EVI5: variants seen among roughly 807,000 people sequenced by gnomAD.
EVI5 encodes the protein ecotropic viral integration site 5, also known as ecotropic viral integration site 5 protein homolog.
Under a neutral mutation model 112.0 loss-of-function variants are expected in EVI5, and 73 were observed. The ratio of observed to expected loss-of-function variants is 0.65; its 90% CI spans 0.54 to 0.79. The LOEUF (loss-of-function observed/expected upper bound fraction) is 0.79, where lower values mean the gene tolerates loss of function less well. EVI5 is among the 30% of genes least tolerant of loss of function. EVI5 has a pLI of 0.00. For synonymous variants in EVI5, 305 were observed against 319.9 expected (o/e 0.95, Z 0.50); for missense variants, 900 against 968.8 (o/e 0.93, Z 0.94).
chr1:92,663,315 C>T (rs992220836), intron 12 of EVI5, 105 bp downstream of exon 12: 9 of 498,794 alleles, frequency 1.8e-5, no homozygotes, highest in African/African-American at 1.2e-4. Context: ...TCTAGAAAAA[C>T]GCATGTAAAA....
At position 92,720,978 on chromosome 1, in the gene EVI5, T is replaced by C. The variant is rs183713297; in HGVS notation, c.149+15420A>G. ...AAATCAAAACCACAATGAGATACCA[T>C]ACCATCTCAAGCCAGTTAGAATGGC... is the stretch of plus-strand genomic sequence containing the variant. On this transcript the variant is annotated intron_variant, in intron 2 of 19. Coordinates refer to ENST00000684568, the MANE Select transcript of EVI5 (RefSeq NM_001350197.2). Among the ~76,000 whole-genome samples the C allele has an allele frequency of 2.0e-5, 3 of 152,264 alleles. No homozygotes were observed. In the East Asian group the frequency reaches 5.8e-4, roughly 29 times the overall value.
intron 19 of EVI5, among the ~76,000 whole-genome samples, chr1:92,517,117 C>T (rs745395367): frequency 2.0e-5 from 3 of 152,152 alleles, no homozygotes; most frequent in Non-Finnish European, 2.9e-5. Flanking sequence ...ATCTCTGTAT[C>T]AGTGCGACCC....
At chr1:92,639,262 T>C (rs776764826) in intron 13 of EVI5, among the ~76,000 whole-genome samples, 10 of 152,078 alleles carry the variant, frequency 6.6e-5, no homozygotes, top group Non-Finnish European at 1.3e-4. Context: ...ATTACAAAGG[T>C]AAAGGTAAGT....
intron 19 of EVI5, among the ~76,000 whole-genome samples, chr1:92,538,047 C>A (rs1049076751): frequency 2.6e-5 from 4 of 152,108 alleles, no homozygotes; most frequent in African/African-American, 9.7e-5. Context: ...CTTACAACTG[C>A]ACACTTTTTA....
At chr1:92,539,186 A>G (rs1170157783) in intron 19 of EVI5, among the ~76,000 whole-genome samples, 2 of 152,188 alleles carry the variant, frequency 1.3e-5, no homozygotes, top group Non-Finnish European at 2.9e-5. Context: ...ATCTCCCACA[A>G]GATAATTGAG....
intron 19 of EVI5, among the ~76,000 whole-genome samples, chr1:92,537,040 G>T (rs909714619): frequency 1.3e-5 from 2 of 152,224 alleles, no homozygotes; most frequent in Admixed American, 6.5e-5. Context: ...GCACTGTGCA[G>T]ACAACTACCA....
At chr1:92,561,325 TG>T (rs1668491653) in intron 19 of EVI5, among the ~76,000 whole-genome samples, 1 of 152,168 alleles carries the variant, frequency 6.6e-6, no homozygotes, top group Non-Finnish European at 1.5e-5. Flanking sequence ...TAAATAAAAA[TG>T]CTTTAAAGGT....
At chr1:92,601,396 G>C (rs1649141003) in intron 18 of EVI5, among the ~76,000 whole-genome samples, 3 of 152,184 alleles carry the variant, frequency 2.0e-5, no homozygotes, top group African/African-American at 7.2e-5. Context: ...ATGTTGAAAA[G>C]ATATCTGCAC....
At chr1:92,676,314 A>C (rs2102311010) in intron 10 of EVI5, among the ~76,000 whole-genome samples, 1 of 152,202 alleles carries the variant, frequency 6.6e-6, no homozygotes, top group Non-Finnish European at 1.5e-5. Context: ...CGCCAGATCC[A>C]AGTCAAAAAT....
At chr1:92,676,228 A>C (rs953774704) in intron 10 of EVI5, among the ~76,000 whole-genome samples, 2 of 152,156 alleles carry the variant, frequency 1.3e-5, no homozygotes, top group Non-Finnish European at 2.9e-5. Context: ...AGGAGGACCA[A>C]GGCAGGAAAG....
At chr1:92,663,949 T>C (rs771331773) in intron 11 of EVI5, among the ~76,000 whole-genome samples, 2 of 152,244 alleles carry the variant, frequency 1.3e-5, no homozygotes, top group Non-Finnish European at 2.9e-5. Flanking sequence ...AGTCTTGCTA[T>C]GTTACCCAGG....
Position 92,512,012 on chromosome 1 carries a change from TG to T in EVI5, c.*1643del, listed in dbSNP as rs1659219337. Reference sequence around the variant, plus strand: ...AGGCTTTTTCCATAGGTTAACAAAATGTTTTTTTTTTCATAGGCTAACAAAA... The same window carrying T: ...AGGCTTTTTCCATAGGTTAACAAAATTTTTTTTTTTCATAGGCTAACAAAA... On this transcript the variant is annotated 3_prime_UTR_variant, in exon 20 of 20. Coordinates refer to ENST00000684568, the MANE Select transcript of EVI5 (RefSeq NM_001350197.2). 1 of 152,406 alleles carries T rather than the reference TG, an allele frequency of 6.6e-6. No individual in the cohort carries two copies. The highest frequency in any genetic ancestry group is 1.5e-5 in the Non-Finnish European group (1 of 68,020). 9.4% of individuals were successfully genotyped at this position (152,406 alleles called of 1,614,324 possible).
intron 18 of EVI5, among the ~76,000 whole-genome samples, chr1:92,596,826 GT>G (rs1345277512): frequency 6.6e-6 from 1 of 152,054 alleles, no homozygotes; most frequent in Non-Finnish European, 1.5e-5. Flanking sequence ...AGTATCTGAG[GT>G]TGTTAAAGAC....
At chr1:92,594,769 C>T (rs953010713) in intron 18 of EVI5, among the ~76,000 whole-genome samples, 48 of 147,086 alleles carry the variant, frequency 3.3e-4, no homozygotes, top group African/African-American at 1.0e-3. Context: ...TATGAACAGA[C>T]ACTTCTCAAA....
chr1:92,655,812 T>G (rs1662902758), intron 13 of EVI5, among the ~76,000 whole-genome samples: 1 of 152,066 alleles, frequency 6.6e-6, no homozygotes, highest in Non-Finnish European at 1.5e-5. Flanking sequence ...ATATAGGAGG[T>G]ACCCAGATTC....
At chr1:92,771,156 G>A (rs1683363163) in intron 1 of EVI5, among the ~76,000 whole-genome samples, 3 of 151,954 alleles carry the variant, frequency 2.0e-5, no homozygotes, top group Non-Finnish European at 2.9e-5. Context: ...CATTCCAGCC[G>A]CTTCCTCCCT....
intron 13 of EVI5, among the ~76,000 whole-genome samples, chr1:92,650,339 CTTTAT>C (rs1407790702): frequency 1.3e-5 from 2 of 152,070 alleles, no homozygotes; most frequent in African/African-American, 4.8e-5. Flanking sequence ...TTTATATCTT[CTTTAT>C]TTTGACAAAT....
intron 19 of EVI5, among the ~76,000 whole-genome samples, chr1:92,550,536 A>T (rs1666620454): frequency 6.7e-6 from 1 of 150,330 alleles, no homozygotes; most frequent in African/African-American, 2.4e-5. Context: ...TCACAAGGTC[A>T]GGAGATCGAG....
At chr1:92,631,871 T>C (rs1278011832) in intron 14 of EVI5, among the ~76,000 whole-genome samples, 1 of 152,184 alleles carries the variant, frequency 6.6e-6, no homozygotes, top group Non-Finnish European at 1.5e-5. Flanking sequence ...ACCTAATTTA[T>C]TGAGAGTTTT....
Sources: gnomAD v4.1 joint callset for allele counts (sites outside exome capture counted in the v4.1 genomes callset) on GRCh38, gnomAD v4.1.1 for gene constraint, MANE v1.5 for transcripts, NCBI Gene and HGNC (gene_info 2026-07-23, HGNC 2026-07-21) for gene names.